Variants in NCOA1 observed in about 807,000 individuals in gnomAD.
NCOA1 encodes nuclear receptor coactivator 1.
NCOA1 carries 35 observed loss-of-function variants against 150.9 expected under a neutral mutation model. The observed-to-expected ratio is 0.23, with a 90% CI of 0.18 to 0.31. The LOEUF is 0.31. Ranked by LOEUF, NCOA1 falls within the 10% of genes least tolerant of loss-of-function variation. The pLI is 1.00. For synonymous variants in NCOA1, 590 were observed against 630.0 expected (o/e 0.94, Z 0.95); for missense variants, 1,491 against 1,749.3 (o/e 0.85, Z 2.63).
intron 7 of NCOA1, among the ~76,000 whole-genome samples, chr2:24,680,003 A>T (rs1672091296): frequency 6.6e-6 from 1 of 152,132 alleles, no homozygotes; most frequent in Non-Finnish European, 1.5e-5. Flanking sequence ...TGTATTACTA[A>T]ATTTCATTTA....
At chr2:24,514,964 G>A (rs2044148) in intron 1 of NCOA1, among the ~76,000 whole-genome samples, 22,558 of 152,036 alleles carry the variant, frequency 0.15, 2,026 homozygotes, top group Non-Finnish European at 0.2. Context: ...GAGATGGTAC[G>A]GATTCATTGG....
intron 3 of NCOA1, among the ~76,000 whole-genome samples, chr2:24,642,785 A>G (rs1292250704): frequency 1.3e-5 from 2 of 152,248 alleles, no homozygotes; most frequent in African/African-American, 2.4e-5. Context: ...CCATGGAGCA[A>G]TAAAAAGGAA....
At chr2:24,736,221 CAAAAAA>C (rs758822213) in intron 17 of NCOA1, among the ~76,000 whole-genome samples, 1 of 63,584 alleles carries the variant, frequency 1.6e-5, no homozygotes, top group African/African-American at 6.4e-5. Context: ...AACTCCGTCT[CAAAAAA>C]AAAAAAAAAA....
At chr2:24,591,202 A>G (rs538041461) in intron 3 of NCOA1, among the ~76,000 whole-genome samples, 2 of 152,348 alleles carry the variant, frequency 1.3e-5, no homozygotes, top group East Asian at 1.9e-4. Context: ...GCAAGAAATA[A>G]TTTAAGCACA....
chr2:24,538,360 G>A (rs1665251872), intron 1 of NCOA1, among the ~76,000 whole-genome samples: 1 of 152,206 alleles, frequency 6.6e-6, no homozygotes, highest in African/African-American at 2.4e-5. Flanking sequence ...TAACTATTAA[G>A]ATGGTATTAT....
chr2:24,651,045 T>A (rs1670689079), intron 4 of NCOA1, among the ~76,000 whole-genome samples: 1 of 152,054 alleles, frequency 6.6e-6, no homozygotes, highest in South Asian at 2.1e-4. Context: ...AGACAAAAGA[T>A]AACAAGTATT....
chr2:24,723,166 G>A (rs1263922815), intron 14 of NCOA1, among the ~76,000 whole-genome samples: 5 of 152,002 alleles, frequency 3.3e-5, no homozygotes, highest in Middle Eastern at 3.4e-3. Flanking sequence ...CAAAAATTAC[G>A]TACATAGACT....
At chr2:24,623,086 G>T (rs550275317) in intron 3 of NCOA1, among the ~76,000 whole-genome samples, 11 of 152,282 alleles carry the variant, frequency 7.2e-5, no homozygotes, top group African/African-American at 2.2e-4. Flanking sequence ...AGAAGAAGCG[G>T]AGGACAACCA....
At chr2:24,513,623 T>G (rs1664029472) in intron 1 of NCOA1, among the ~76,000 whole-genome samples, 1 of 152,242 alleles carries the variant, frequency 6.6e-6, no homozygotes, top group Admixed American at 6.5e-5. Context: ...TGTACATATG[T>G]GCTTGCGTAT....
At chr2:24,570,518 C>A (rs1666701686) in intron 2 of NCOA1, among the ~76,000 whole-genome samples, 1 of 152,022 alleles carries the variant, frequency 6.6e-6, no homozygotes, top group Non-Finnish European at 1.5e-5. Flanking sequence ...TGCTTTAGAG[C>A]AACCAAATAG....
At chr2:24,636,193 CT>C (rs1276668244) in intron 3 of NCOA1, among the ~76,000 whole-genome samples, 2 of 152,166 alleles carry the variant, frequency 1.3e-5, no homozygotes, top group African/African-American at 4.8e-5. Context: ...TGGGAGTGGA[CT>C]AACATCTTCA....
chr2:24,745,052 TA>T (rs1663820845), intron 19 of NCOA1, among the ~76,000 whole-genome samples: 1 of 152,126 alleles, frequency 6.6e-6, no homozygotes, highest in Admixed American at 6.5e-5. Context: ...AATGGCAGAG[TA>T]AGTTTTCTGG....
At chr2:24,545,649 A>G (rs2148206493) in intron 1 of NCOA1, among the ~76,000 whole-genome samples, 1 of 152,302 alleles carries the variant, frequency 6.6e-6, no homozygotes, top group Non-Finnish European at 1.5e-5. Context: ...GGACCAAGGT[A>G]TTTACATAGG....
chr2:24,519,178 T>C (rs933126073), intron 1 of NCOA1, among the ~76,000 whole-genome samples: 2 of 152,202 alleles, frequency 1.3e-5, no homozygotes, highest in African/African-American at 4.8e-5. Flanking sequence ...TTCACATATG[T>C]GATAAACAAA....
At chr2:24,759,469 A>G (rs1572692784) in intron 21 of NCOA1, among the ~76,000 whole-genome samples, 1 of 152,222 alleles carries the variant, frequency 6.6e-6, no homozygotes, top group East Asian at 1.9e-4. Flanking sequence ...GATATGTTGC[A>G]TGCCATCTAA....
chr2:24,535,433 C>T (rs1047159926), intron 1 of NCOA1, among the ~76,000 whole-genome samples: 3 of 152,092 alleles, frequency 2.0e-5, no homozygotes, highest in African/African-American at 7.2e-5. Flanking sequence ...TTAATTGGGG[C>T]ATTTAGCCCA....
chr2:24,713,059 T>C (rs1673836126), intron 14 of NCOA1, among the ~76,000 whole-genome samples: 1 of 151,860 alleles, frequency 6.6e-6, no homozygotes, highest in Non-Finnish European at 1.5e-5. Context: ...TGAAACCCTG[T>C]CTCTACCAAA....
intron 2 of NCOA1, among the ~76,000 whole-genome samples, chr2:24,573,122 A>G (rs1666808803): frequency 6.6e-6 from 1 of 152,130 alleles, no homozygotes; most frequent in African/African-American, 2.4e-5. Context: ...TGCTTTGAAG[A>G]TGATCTTAAA....
At chr2:24,550,311 A>T (rs550369320) in intron 1 of NCOA1, among the ~76,000 whole-genome samples, 1 of 152,310 alleles carries the variant, frequency 6.6e-6, no homozygotes, top group Non-Finnish European at 1.5e-5. Flanking sequence ...GTCTATTTTC[A>T]TGCTGCTGAT....
Sources: allele counts gnomAD v4.1 joint callset (sites outside exome capture counted in the v4.1 genomes callset), GRCh38; gene constraint gnomAD v4.1.1; transcripts MANE v1.5; gene names NCBI Gene and HGNC (gene_info 2026-07-23, HGNC 2026-07-21).